RALYL: variants seen among roughly 807,000 people sequenced by gnomAD.
RALYL encodes RALY RNA binding protein like.
A neutral mutation model predicts 35.1 loss-of-function variants in RALYL; 29 were observed. The ratio of observed to expected loss-of-function variants is 0.83; its 90% CI spans 0.61 to 1.13. RALYL has a LOEUF of 1.13. Ranked by LOEUF, RALYL falls within the 50% of genes most tolerant of loss-of-function variation. The probability of loss-of-function intolerance (pLI) is 0.00; values close to 1 mark genes in which losing one functional copy is unlikely to be tolerated. For synonymous variants in RALYL, 120 were observed against 127.6 expected (o/e 0.94, Z 0.40); for missense variants, 359 against 360.4 (o/e 1.00, Z 0.03).
intron 6 of RALYL, among the ~76,000 whole-genome samples, chr8:84,868,553 AAAGT>A (rs1423888066): frequency 6.6e-6 from 1 of 152,182 alleles, no homozygotes; most frequent in East Asian, 1.9e-4. Flanking sequence ...TTCAAATCCA[AAAGT>A]AAGTTTAACA....
At chr8:84,629,915 C>G (rs973275263) in intron 2 of RALYL, among the ~76,000 whole-genome samples, 1 of 151,936 alleles carries the variant, frequency 6.6e-6, no homozygotes, top group African/African-American at 2.4e-5. Flanking sequence ...TGCTGACATC[C>G]AAAAATGTTA....
At chr8:84,650,873 C>T (rs1183891555) in intron 2 of RALYL, among the ~76,000 whole-genome samples, 4 of 152,020 alleles carry the variant, frequency 2.6e-5, no homozygotes, top group Non-Finnish European at 5.9e-5. Context: ...ACATATACAC[C>T]ATGGAATACT....
intron 1 of RALYL, among the ~76,000 whole-genome samples, chr8:84,451,897 A>G (rs2049520857): frequency 6.6e-6 from 1 of 151,904 alleles, no homozygotes; most frequent in Non-Finnish European, 1.5e-5. Context: ...CAAAATGCTC[A>G]TGGTTTTATT....
In RALYL at chr8:84,529,536, T is replaced by C; in HGVS notation, c.215T>C (p.Val72Ala). 1.2e-6 allele frequency: 2 copies of C among 1,611,062 alleles called. No homozygotes were observed. Among genetic ancestry groups the C allele is most frequent in the African/African-American group, 1.3e-5 (1 of 75,012 alleles). The change falls in exon 2 of 9, where the codon GTG (valine) becomes GCG (alanine). Residue 72 changes from valine to alanine, a missense_variant. Physicochemically the swap from Val to Ala is moderately conservative, Grantham distance 64. Coordinates refer to ENST00000521268, the MANE Select transcript of RALYL (RefSeq NM_173848.7). Reference sequence around the variant, plus strand: ...AGTGAGCGACATGCAAGAGCTGCAGTGGCTGGAGAAAATGCCAGAGTCATC... The same window carrying C: ...AGTGAGCGACATGCAAGAGCTGCAGCGGCTGGAGAAAATGCCAGAGTCATC... ...YMSERHARAAVAGENARVIAG... is the reference protein window; with the variant it reads ...YMSERHARAAAAGENARVIAG...
chr8:84,758,695 A>T (rs925987821), intron 2 of RALYL, among the ~76,000 whole-genome samples: 2 of 152,146 alleles, frequency 1.3e-5, no homozygotes, highest in Non-Finnish European at 2.9e-5. Flanking sequence ...TGCACCCAAG[A>T]TGAAAGACAC....
chr8:84,734,113 C>G (rs1846765977), intron 2 of RALYL, among the ~76,000 whole-genome samples: 1 of 152,028 alleles, frequency 6.6e-6, no homozygotes, highest in Non-Finnish European at 1.5e-5. Flanking sequence ...ATATGAAAAC[C>G]CTGCATAGTC....
At chr8:84,624,612 C>T (rs1822316615) in intron 2 of RALYL, among the ~76,000 whole-genome samples, 1 of 152,210 alleles carries the variant, frequency 6.6e-6, no homozygotes, top group Non-Finnish European at 1.5e-5. Flanking sequence ...CTCCCCATCT[C>T]AAGGTCCACA....
intron 8 of RALYL, among the ~76,000 whole-genome samples, chr8:84,893,384 C>G (rs567463746): frequency 6.6e-6 from 1 of 152,282 alleles, no homozygotes; most frequent in Non-Finnish European, 1.5e-5. Context: ...CTTTTATTCT[C>G]TATATTTATA....
intron 1 of RALYL, among the ~76,000 whole-genome samples, chr8:84,506,831 G>A (rs959502748): frequency 5.9e-5 from 9 of 151,780 alleles, no homozygotes; most frequent in Non-Finnish European, 8.8e-5. Context: ...TTAAGCCTAA[G>A]CAACTGTGCA....
chr8:84,425,283 G>T (rs1004675928), intron 1 of RALYL, among the ~76,000 whole-genome samples: 60 of 151,830 alleles, frequency 4.0e-4, no homozygotes, highest in African/African-American at 1.3e-3. Context: ...TCTGAAAAGC[G>T]CAATATTCGG....
intron 2 of RALYL, among the ~76,000 whole-genome samples, chr8:84,599,720 C>G (rs1476189839): frequency 6.6e-6 from 1 of 152,062 alleles, no homozygotes; most frequent in Non-Finnish European, 1.5e-5. Context: ...CCCTCAACAA[C>G]AACAACAACA....
At chr8:84,900,744 T>C (rs1315538463) in intron 8 of RALYL, among the ~76,000 whole-genome samples, 1 of 152,058 alleles carries the variant, frequency 6.6e-6, no homozygotes, top group East Asian at 1.9e-4. Context: ...GCATAAGCAG[T>C]AACAAATTTA....
chr8:84,638,873 T>C (rs1234411037), intron 2 of RALYL, among the ~76,000 whole-genome samples: 1 of 14,084 alleles, frequency 7.1e-5, no homozygotes, highest in East Asian at 1.7e-3. Context: ...CACGCATAAA[T>C]ATATATATAT....
chr8:84,248,734 T>C (rs967613949), intron 1 of RALYL, among the ~76,000 whole-genome samples: 1 of 152,120 alleles, frequency 6.6e-6, no homozygotes, highest in Non-Finnish European at 1.5e-5. Context: ...ATGAAATCTG[T>C]GCATTATTCA....
At chr8:84,862,694 A>G (rs1028450946) in intron 6 of RALYL, among the ~76,000 whole-genome samples, 1 of 152,244 alleles carries the variant, frequency 6.6e-6, no homozygotes. Context: ...AAAGTATTTT[A>G]TCAGAGCAAA....
chr8:84,367,716 A>C (rs1854771196), intron 1 of RALYL, among the ~76,000 whole-genome samples: 2 of 151,968 alleles, frequency 1.3e-5, no homozygotes. Flanking sequence ...AAGAAATAAC[A>C]CTTTTATAGT....
chr8:84,582,896 A>C (rs920815261), intron 2 of RALYL, among the ~76,000 whole-genome samples: 5 of 152,100 alleles, frequency 3.3e-5, no homozygotes, highest in Non-Finnish European at 7.4e-5. Context: ...TGTTAATTTT[A>C]CAATGCTTTT....
Position 84,595,227 on chromosome 8 carries a change from G to T in RALYL, c.256+65650G>T, listed in dbSNP as rs140355663. Among the ~76,000 whole-genome samples the T allele has an allele frequency of 1.5e-3, 225 of 152,134 alleles. 1 individual carries two copies. Among genetic ancestry groups the T allele is most frequent in the African/African-American group, 4.7e-3 (196 of 41,504 alleles). On this transcript the variant is annotated intron_variant, in intron 2 of 8. Transcript: ENST00000521268. ...ACCAAATTACATCTCCAAATACATT[G>T]CTGTACCATCTATATAAAGAATTGA... is the stretch of plus-strand genomic sequence containing the variant.
At chr8:84,429,678 C>A (rs1435134090) in intron 1 of RALYL, among the ~76,000 whole-genome samples, 1 of 152,006 alleles carries the variant, frequency 6.6e-6, no homozygotes, top group Non-Finnish European at 1.5e-5. Context: ...GACTGTCACA[C>A]TGTAAGCATT....
Sources: allele counts gnomAD v4.1 joint callset (sites outside exome capture counted in the v4.1 genomes callset), GRCh38; gene constraint gnomAD v4.1.1; transcripts MANE v1.5; gene names NCBI Gene and HGNC (gene_info 2026-07-23, HGNC 2026-07-21).